Variants in TPTE2 observed in about 807,000 individuals in gnomAD.
The protein encoded by TPTE2 is transmembrane phosphoinositide 3-phosphatase and tensin homolog 2, also known as phosphatidylinositol 3,4,5-trisphosphate 3-phosphatase TPTE2.
In TPTE2, 53 loss-of-function variants were observed where a neutral mutation model predicts 78.6. That is an observed-to-expected ratio of 0.67 (90% CI 0.54 to 0.85). The LOEUF is 0.85. Among genes scored for constraint, TPTE2 ranks in the 40% least tolerant of loss-of-function variants. The pLI is 0.00. For synonymous variants in TPTE2, 175 were observed against 206.2 expected (o/e 0.85, Z 1.30); for missense variants, 461 against 623.0 (o/e 0.74, Z 2.77).
At chr13:19,453,819 T>C (rs1022993641) in intron 10 of TPTE2, among the ~76,000 whole-genome samples, 7 of 152,178 alleles carry the variant, frequency 4.6e-5, no homozygotes, top group Non-Finnish European at 7.3e-5. Flanking sequence ...TGTAGGAATG[T>C]AGGTAATTGT....
intron 4 of TPTE2, among the ~76,000 whole-genome samples, chr13:19,477,486 G>C (rs948541815): frequency 6.6e-6 from 1 of 152,138 alleles, no homozygotes; most frequent in African/African-American, 2.4e-5. Flanking sequence ...CCTCCGCCCA[G>C]GCTTGGAGAG....
intron 1 of TPTE2, among the ~76,000 whole-genome samples, chr13:19,510,400 T>C (rs1024611507): frequency 8.7e-5 from 13 of 148,794 alleles, no homozygotes; most frequent in Non-Finnish European, 1.9e-4. Flanking sequence ...CGTGCAGAGA[T>C]CAAATGGCAA....
intron 3 of TPTE2, among the ~76,000 whole-genome samples, chr13:19,483,747 A>T (rs959946493): frequency 3.9e-5 from 6 of 151,910 alleles, no homozygotes; most frequent in South Asian, 2.1e-4. Flanking sequence ...AGTTTTCTAG[A>T]TTTTTTGATC....
intron 1 of TPTE2, among the ~76,000 whole-genome samples, chr13:19,502,981 A>T (rs539887342): frequency 6.6e-6 from 1 of 152,174 alleles, no homozygotes; most frequent in East Asian, 1.9e-4. Flanking sequence ...TACAAAGGCT[A>T]CATTGAAAAG....
chr13:19,507,774 T>TA (rs1388859795), upstream of TPTE2, among the ~76,000 whole-genome samples: 12 of 152,198 alleles, frequency 7.9e-5, no homozygotes, highest in African/African-American at 2.9e-4. Flanking sequence ...CTGATTCAAA[T>TA]AAGACGAAAC....
upstream of TPTE2, among the ~76,000 whole-genome samples, chr13:19,539,982 T>C (rs1478052195): frequency 6.6e-6 from 1 of 151,986 alleles, no homozygotes; most frequent in Non-Finnish European, 1.5e-5. Context: ...CTACCTCTAC[T>C]AAAAGTGCAA....
upstream of TPTE2, among the ~76,000 whole-genome samples, chr13:19,507,976 A>G (rs1869184460): frequency 6.6e-6 from 1 of 152,142 alleles, no homozygotes. Flanking sequence ...TACCTTGTCT[A>G]AAGTTTTTCC....
intron 10 of TPTE2, among the ~76,000 whole-genome samples, chr13:19,451,975 CT>C (rs1332823077): frequency 6.6e-6 from 1 of 152,026 alleles, no homozygotes; most frequent in East Asian, 1.9e-4. Flanking sequence ...GTATATATCT[CT>C]GTGCAACAAC....
At chr13:19,492,154 G>C (rs1244769830) in intron 3 of TPTE2, among the ~76,000 whole-genome samples, 1 of 152,020 alleles carries the variant, frequency 6.6e-6, no homozygotes, top group Non-Finnish European at 1.5e-5. Context: ...CACATGACTG[G>C]GAAAACCCTC....
chr13:19,453,528 AT>A (rs1413802305), intron 10 of TPTE2, among the ~76,000 whole-genome samples: 1 of 72,324 alleles, frequency 1.4e-5, no homozygotes, highest in Non-Finnish European at 2.6e-5. Flanking sequence ...TATATATATC[AT>A]TTTATAATCA....
At chr13:19,497,186 CTG>C (rs1385197623) in intron 1 of TPTE2, among the ~76,000 whole-genome samples, 2 of 151,344 alleles carry the variant, frequency 1.3e-5, no homozygotes, top group African/African-American at 4.8e-5. Context: ...GCACAGCAGT[CTG>C]AGATCAAACT....
intron 15 of TPTE2, among the ~76,000 whole-genome samples, chr13:19,433,675 A>G (rs1329557434): frequency 6.6e-6 from 1 of 152,158 alleles, no homozygotes; most frequent in Non-Finnish European, 1.5e-5. Context: ...AGTCAGTAGA[A>G]TGGCCCACAA....
At chr13:19,536,830 GGATT>G (rs1156476987), upstream of TPTE2, 20 of 151,650 alleles carry the variant, frequency 1.3e-4, no homozygotes, top group African/African-American at 3.1e-4. Context: ...TCCAGGAACA[GGATT>G]GATTTTCATA....
At chr13:19,528,415 T>C (rs931887046) in intron 1 of TPTE2, among the ~76,000 whole-genome samples, 11 of 152,108 alleles carry the variant, frequency 7.2e-5, no homozygotes, top group Non-Finnish European at 1.6e-4. Context: ...ATTTATATAC[T>C]TATTTACTTC....
At chr13:19,546,620 G>T in the TPTE2 span, among the ~76,000 whole-genome samples, 1 of 150,430 alleles carries the variant, frequency 6.6e-6, no homozygotes, top group Admixed American at 6.7e-5. Context: ...CTCCCAGCTA[G>T]CTGGGATTAC....
At chr13:19,444,601 G>A (rs150861636) in intron 13 of TPTE2, among the ~76,000 whole-genome samples, 3,718 of 152,172 alleles carry the variant, frequency 0.024, 117 homozygotes, top group African/African-American at 0.071. Context: ...TGGGTTGGAT[G>A]AGTCAATATT....
chr13:19,471,817 T>C (rs1218849072), intron 6 of TPTE2, among the ~76,000 whole-genome samples: 1 of 152,206 alleles, frequency 6.6e-6, no homozygotes, highest in African/African-American at 2.4e-5. Flanking sequence ...TCCTTATCTT[T>C]CTGATTGAAA....
chr13:19,479,173 G>A (rs929738710), intron 4 of TPTE2, among the ~76,000 whole-genome samples: 11 of 151,920 alleles, frequency 7.2e-5, no homozygotes, highest in Non-Finnish European at 1.5e-4. Flanking sequence ...AAAAAATGTA[G>A]CAGGTGAAAA....
intron 4 of TPTE2, among the ~76,000 whole-genome samples, chr13:19,477,923 G>A (rs1468430895): frequency 6.6e-6 from 1 of 152,118 alleles, no homozygotes; most frequent in Non-Finnish European, 1.5e-5. Flanking sequence ...CCAACATGAA[G>A]CAACACGAAG....
Sources: gnomAD v4.1 joint callset for allele counts (sites outside exome capture counted in the v4.1 genomes callset) on GRCh38, gnomAD v4.1.1 for gene constraint, MANE v1.5 for transcripts, NCBI Gene and HGNC (gene_info 2026-07-23, HGNC 2026-07-21) for gene names.